PI4KB: variants seen among roughly 807,000 people sequenced by gnomAD.
The protein encoded by PI4KB is PtdIns 4-kinase beta.
Under a neutral mutation model 81.4 loss-of-function variants are expected in PI4KB, and 23 were observed. That is an observed-to-expected ratio of 0.28 (90% CI 0.20 to 0.40). The LOEUF is 0.40. Ranked by LOEUF, PI4KB falls within the 10% of genes least tolerant of loss-of-function variation. PI4KB has a pLI of 1.00. For synonymous variants in PI4KB, 381 were observed against 406.8 expected, an observed-to-expected ratio of 0.94 and a Z score of 0.76; for missense variants, 651 against 1,036.6, an observed-to-expected ratio of 0.63 and a Z score of 5.11.
intron 6 of PI4KB, 75 bp from the exon 7 acceptor site, chr1:151,302,373 C>G: frequency 2.6e-5 from 26 of 984,130 alleles, no homozygotes; most frequent in Non-Finnish European, 3.6e-5. Context: ...ACTGACATTT[C>G]CTGCACTGTC....
At chr1:151,319,612 TG>T (rs1163168625) in intron 1 of PI4KB, among the ~76,000 whole-genome samples, 1 of 152,220 alleles carries the variant, frequency 6.6e-6, no homozygotes, top group Admixed American at 6.5e-5. Flanking sequence ...GAGGGACTGT[TG>T]GAAGGAAGTT....
At chr1:151,325,244 C>T (rs566110194) in intron 1 of PI4KB, among the ~76,000 whole-genome samples, 7 of 152,166 alleles carry the variant, frequency 4.6e-5, no homozygotes, top group South Asian at 2.1e-4. Context: ...CTGCCTGCCT[C>T]GGCCTCCCAA....
At chr1:151,309,301 C>T (rs1696020290) in intron 3 of PI4KB, among the ~76,000 whole-genome samples, 1 of 152,108 alleles carries the variant, frequency 6.6e-6, no homozygotes, top group South Asian at 2.1e-4. Context: ...AGGCAGAATT[C>T]CTTCCCATTC....
intron 5 of PI4KB, among the ~76,000 whole-genome samples, chr1:151,304,146 AC>A (rs1400510905): frequency 6.6e-6 from 1 of 152,216 alleles, no homozygotes; most frequent in African/African-American, 2.4e-5. Flanking sequence ...AGAATATTCT[AC>A]CAGACCCCAA....
rs755242241 is a variant in PI4KB at position 151,294,565 on chromosome 1, G to C, written c.2016-24C>G. On this transcript the variant is annotated intron_variant, in intron 9 of 11. Transcript: ENST00000368873. ...GTCTGAGGAGGGGGAATAGAGGAGA[G>C]GAAGAGGCAGTAGTCAGTCTGACTG... 12 of 1,613,320 alleles carry C rather than the reference G, an allele frequency of 7.4e-6. No homozygotes were observed. The South Asian group carries it at 9.9e-5, about 13-fold the overall frequency.
chr1:151,303,701 CT>C, intron 5 of PI4KB, 51 bp from the exon 6 acceptor site: 4 of 1,124,172 alleles, frequency 3.6e-6, no homozygotes, highest in Middle Eastern at 4.1e-4. Flanking sequence ...GGTCTCCCGT[CT>C]TTCCCCTCCT....
intron 9 of PI4KB, among the ~76,000 whole-genome samples, chr1:151,295,444 G>A (rs868276593): frequency 2.6e-5 from 4 of 152,200 alleles, no homozygotes; most frequent in Non-Finnish European, 4.4e-5. Flanking sequence ...AGCCAGAATG[G>A]TTCTAGGAGT....
At chr1:151,314,542 A>G (rs957100060) in intron 2 of PI4KB, among the ~76,000 whole-genome samples, 1 of 152,146 alleles carries the variant, frequency 6.6e-6, no homozygotes. Context: ...TCTTCTTCCC[A>G]GCCTCCAGGT....
At position 151,322,811 on chromosome 1, in the gene PI4KB, A is replaced by C. The variant is rs185068474; in HGVS notation, c.-29+4460T>G. Among the ~76,000 whole-genome samples the C allele has an allele frequency of 2.6e-5, 4 of 152,130 alleles. No homozygotes were observed. In the East Asian group the frequency reaches 7.7e-4, roughly 29 times the overall value. Reference sequence around the variant, plus strand: ...GAGTGCAGTGGTGGAATCATGGCTCACTATACGATTTCTGGTTGGGGATGC... The same window carrying C: ...GAGTGCAGTGGTGGAATCATGGCTCCCTATACGATTTCTGGTTGGGGATGC... On this transcript the variant is annotated intron_variant, in intron 1 of 11. Transcript: ENST00000368873.
chr1:151,294,122 T>C lies in PI4KB; in HGVS notation c.2165A>G (p.Asp722Gly). 1.2e-6 allele frequency: 2 copies of C among 1,613,660 alleles called. No homozygotes were observed. Among genetic ancestry groups the C allele is most frequent in the Non-Finnish European group, 1.7e-6 (2 of 1,179,732 alleles). The change falls in exon 11 of 12, where the codon GAT (aspartate) becomes GGT (glycine). Residue 722 changes from aspartate to glycine, a missense_variant. Coordinates refer to ENST00000368873, the MANE Select transcript of PI4KB (RefSeq NM_001369623.2). ...TEFVDVMGGL[D>G]GDMFNYYKML... ...CTTATAGTAGTTGAACATGTCGCCA[T>C]CCAGGCCGCCCATCACCTGGAAAGG...
rs377764092 is a variant in PI4KB at position 151,293,909 on chromosome 1, C to A, written c.2269+109G>T. 6.5e-5 allele frequency: 80 copies of A among 1,229,844 alleles called. 3 individuals carry two copies. The highest frequency in any genetic ancestry group is 4.9e-4 in the East Asian group (20 of 40,998). The allele number at this position is 1,229,844 out of a possible 1,614,324, so 76.2% of individuals were successfully genotyped here. ...ACCAGAGCTAGAAACTCTCTGGGAA[C>A]CCCCCTCCCTCAACCGAGTCTCGTG... On this transcript the variant is annotated intron_variant, in intron 11 of 11. Transcript: ENST00000368873.
At chr1:151,299,851 A>T (rs925567722) in intron 8 of PI4KB, among the ~76,000 whole-genome samples, 16 of 152,182 alleles carry the variant, frequency 1.1e-4, no homozygotes, top group African/African-American at 3.6e-4. Context: ...ACTATAACCT[A>T]CCTGCTACAG....
intron 6 of PI4KB, 79 bp from the exon 7 acceptor site, chr1:151,302,377 C>T: frequency 4.1e-6 from 4 of 969,108 alleles, no homozygotes; most frequent in Non-Finnish European, 6.7e-6. Flanking sequence ...ACATTTCCTG[C>T]ACTGTCTCCT....
chr1:151,312,355 G>T (rs953485241), intron 2 of PI4KB, among the ~76,000 whole-genome samples: 1 of 152,182 alleles, frequency 6.6e-6, no homozygotes, highest in African/African-American at 2.4e-5. Flanking sequence ...TGGGAGCAGA[G>T]TGTTAGGGTC....
At chr1:151,295,473 C>T (rs1403429625) in intron 9 of PI4KB, among the ~76,000 whole-genome samples, 1 of 152,224 alleles carries the variant, frequency 6.6e-6, no homozygotes, top group Non-Finnish European at 1.5e-5. Flanking sequence ...TTCAACCTCA[C>T]ATTTTACAGG....
rs200341520 is a variant in PI4KB, at chr1:151,294,360, G to A, written c.2148+49C>T. On this transcript the variant is annotated intron_variant, in intron 10 of 11. Transcript: ENST00000368873. ...CCCATCAGCTCCCTCTCCCATGACA[G>A]AGAAAGAATACAATGACCCCCGAGA... 6.1e-5 allele frequency: 97 copies of A among 1,599,202 alleles called. No homozygotes were observed. In the East Asian group the frequency reaches 2.0e-3, roughly 33 times the overall value.
chr1:151,313,622 A>C (rs1354504825), intron 2 of PI4KB, among the ~76,000 whole-genome samples: 1 of 152,248 alleles, frequency 6.6e-6, no homozygotes, highest in Non-Finnish European at 1.5e-5. Context: ...TTCCACTAGA[A>C]TCTGGATGAC....
intron 2 of PI4KB, among the ~76,000 whole-genome samples, chr1:151,313,627 G>T (rs1340671304): frequency 1.3e-5 from 2 of 152,218 alleles, no homozygotes; most frequent in East Asian, 3.8e-4. Flanking sequence ...CTAGAATCTG[G>T]ATGACTCTTC....
At chr1:151,311,433 C>G (rs1420784277) in intron 2 of PI4KB, among the ~76,000 whole-genome samples, 2 of 152,230 alleles carry the variant, frequency 1.3e-5, no homozygotes, top group Non-Finnish European at 2.9e-5. Context: ...GTCCTATAGT[C>G]AGGTCCTTCC....
Sources: gnomAD v4.1 joint callset for allele counts (sites outside exome capture counted in the v4.1 genomes callset) on GRCh38, gnomAD v4.1.1 for gene constraint, MANE v1.5 for transcripts, NCBI Gene and HGNC (gene_info 2026-07-23, HGNC 2026-07-21) for gene names.